RICTOR: variants seen among roughly 807,000 people sequenced by gnomAD.
RICTOR encodes the protein rapamycin-insensitive companion of mTOR.
RICTOR carries 49 observed loss-of-function variants against 214.9 expected under a neutral mutation model. The observed-to-expected ratio is 0.23, with a 90% CI of 0.18 to 0.29. RICTOR has a LOEUF of 0.29. RICTOR is among the 10% of genes least tolerant of loss of function. The probability of loss-of-function intolerance (pLI) is 1.00; values close to 1 mark genes in which losing one functional copy is unlikely to be tolerated. For synonymous variants in RICTOR, 717 were observed against 711.3 expected, an observed-to-expected ratio of 1.01 and a Z score of -0.13; for missense variants, 1,625 against 2,047.0, an observed-to-expected ratio of 0.79 and a Z score of 3.98.
intron 2 of RICTOR, among the ~76,000 whole-genome samples, chr5:39,038,243 G>A (rs1439423962): frequency 1.3e-5 from 2 of 152,194 alleles, no homozygotes; most frequent in Non-Finnish European, 2.9e-5. Flanking sequence ...AATAGATGCA[G>A]AAAAGGTCTT....
chr5:39,073,982 G>A, intron 2 of RICTOR, 129 bp downstream of exon 2: 1 of 445,480 alleles, frequency 2.2e-6, no homozygotes, highest in East Asian at 8.8e-5. Flanking sequence ...CCGGCAGGCG[G>A]GGCTCCGGCT....
chr5:39,033,314 A>G (rs1270577834), intron 2 of RICTOR, among the ~76,000 whole-genome samples: 1 of 150,948 alleles, frequency 6.6e-6, no homozygotes, highest in Admixed American at 6.6e-5. Context: ...GGAGCGCTGG[A>G]GTGCAATGGT....
rs1285386496 is a variant in RICTOR, at chr5:38,958,830, GC to G, written c.2179del (p.Ala727ProfsTer10). 6.4e-7 allele frequency: 1 copy of G among 1,554,770 alleles called. No homozygotes were observed. Among genetic ancestry groups the G allele is most frequent in the Non-Finnish European group, 8.7e-7 (1 of 1,154,824 alleles). On this transcript the variant is annotated frameshift_variant and splice_region_variant, in exon 23 of 38. Transcript: ENST00000357387. LOFTEE classifies it high-confidence loss of function. ...ATGTTTTGTTGCATAGAGTCTGCAG[GC>G]CTATAAGGATAAATGAATACATTAA... ...LSKILTAATD[A>X]CRLYATKHLR...
intron 6 of RICTOR, among the ~76,000 whole-genome samples, chr5:38,993,990 G>A (rs1403618357): frequency 6.6e-6 from 1 of 152,090 alleles, no homozygotes; most frequent in Non-Finnish European, 1.5e-5. Context: ...AGACCATCCT[G>A]GTTAACACGG....
intron 5 of RICTOR, among the ~76,000 whole-genome samples, chr5:38,998,304 G>C (rs1353192709): frequency 6.6e-6 from 1 of 152,176 alleles, no homozygotes; most frequent in Admixed American, 6.5e-5. Context: ...TGGTGCCTTG[G>C]CCTCCTGAGT....
At chr5:38,956,393 C>T (rs1749268943) in intron 25 of RICTOR, among the ~76,000 whole-genome samples, 1 of 152,064 alleles carries the variant, frequency 6.6e-6, no homozygotes, top group Non-Finnish European at 1.5e-5. Context: ...CTTTTACAAT[C>T]TAGCTTTAAT....
In RICTOR at chr5:38,955,773, T is replaced by A. The variant is rs150182325; in HGVS notation, c.2500-69A>T. ...GTCACTAAATTTAAAATATGTCAGATACTTAGCAAAGGGTAGACAGATCAA... is the reference window on the plus strand; with the variant it reads ...GTCACTAAATTTAAAATATGTCAGAAACTTAGCAAAGGGTAGACAGATCAA... On this transcript the variant is annotated intron_variant, in intron 25 of 37. Coordinates refer to ENST00000357387, the MANE Select transcript of RICTOR (RefSeq NM_152756.5). 2.2e-4 allele frequency: 186 copies of A among 860,648 alleles called. 1 individual carries two copies. In the African/African-American group the frequency reaches 2.9e-3, roughly 13 times the overall value. The allele number at this position is 860,648 out of a possible 1,614,324, so 53.3% of individuals were successfully genotyped here. A position where few individuals can be genotyped will look rare whatever the true frequency, so the allele number is the denominator to read the frequency against.
intron 2 of RICTOR, among the ~76,000 whole-genome samples, chr5:39,036,685 G>C (rs1756729764): frequency 6.6e-6 from 1 of 152,082 alleles, no homozygotes; most frequent in Non-Finnish European, 1.5e-5. Context: ...TGATAAAACA[G>C]ACTTTAAACC....
chr5:39,028,392 C>T (rs377228933), intron 2 of RICTOR, among the ~76,000 whole-genome samples: 15 of 151,790 alleles, frequency 9.9e-5, no homozygotes, highest in Middle Eastern at 3.4e-3. Flanking sequence ...CCGTTTTAGC[C>T]GGGATGGTCT....
At chr5:39,015,486 A>G (rs1252100963) in intron 3 of RICTOR, among the ~76,000 whole-genome samples, 1 of 152,002 alleles carries the variant, frequency 6.6e-6, no homozygotes, top group Non-Finnish European at 1.5e-5. Context: ...TCTCCCAGGG[A>G]ACATTTGGCA....
intron 2 of RICTOR, among the ~76,000 whole-genome samples, chr5:39,069,103 T>C (rs577920365): frequency 1.3e-5 from 2 of 152,268 alleles, no homozygotes; most frequent in African/African-American, 2.4e-5. Flanking sequence ...GTATGTATAA[T>C]AGTAGAATGT....
Position 39,049,589 on chromosome 5 carries a change from G to A in RICTOR, c.97+24522C>T, listed in dbSNP as rs1757710134. ...GCAAGCCATAATTTGCAAACCTCTG[G>A]CTTAAGGGAAAAAAAGAAGTAAAAA... On this transcript the variant is annotated intron_variant, in intron 2 of 37. Coordinates refer to ENST00000357387, the MANE Select transcript of RICTOR (RefSeq NM_152756.5). Among the ~76,000 whole-genome samples the A allele has an allele frequency of 2.0e-5, 3 of 149,164 alleles. No individual in the cohort carries two copies. In the South Asian group the frequency reaches 6.4e-4, roughly 32 times the overall value.
In RICTOR at chr5:38,978,495, T is replaced by C. The variant is rs186233523; in HGVS notation, c.821+88A>G. 2.4e-3 allele frequency: 1,265 copies of C among 531,378 alleles called. 5 individuals carry two copies. The highest frequency in any genetic ancestry group is 3.2e-3 in the Non-Finnish European group (973 of 303,454). 32.9% of individuals were successfully genotyped at this position (531,378 alleles called of 1,614,324 possible). On this transcript the variant is annotated intron_variant, in intron 9 of 37. Coordinates refer to ENST00000357387, the MANE Select transcript of RICTOR (RefSeq NM_152756.5). The stretch of plus-strand genomic sequence containing the variant: ...AAATTTATTTAAACTCACATTTCTC[T>C]GGCTGTACATGGAATCACGCAAACC...
At chr5:38,966,127 C>CA (rs1034195208) in intron 15 of RICTOR, among the ~76,000 whole-genome samples, 13 of 151,704 alleles carry the variant, frequency 8.6e-5, no homozygotes, top group Middle Eastern at 3.4e-3. Flanking sequence ...CAAAACAAAA[C>CA]AAAAAAAACC....
intron 2 of RICTOR, among the ~76,000 whole-genome samples, chr5:39,036,040 GA>G (rs1027520413): frequency 1.3e-5 from 2 of 152,156 alleles, no homozygotes; most frequent in African/African-American, 2.4e-5. Flanking sequence ...TGAAATGAAG[GA>G]AAAAATATTA....
intron 25 of RICTOR, among the ~76,000 whole-genome samples, chr5:38,956,043 T>C (rs1004314934): frequency 6.6e-6 from 1 of 152,070 alleles, no homozygotes; most frequent in African/African-American, 2.4e-5. Context: ...CATTATATAT[T>C]GTCATTAAAT....
intron 3 of RICTOR, among the ~76,000 whole-genome samples, chr5:39,013,328 T>C (rs1754690616): frequency 6.6e-6 from 1 of 152,182 alleles, no homozygotes; most frequent in Non-Finnish European, 1.5e-5. Context: ...ATAATGTCAC[T>C]GGTTTGACTA....
chr5:39,026,774 G>C (rs1284822626), intron 2 of RICTOR, among the ~76,000 whole-genome samples: 1 of 151,868 alleles, frequency 6.6e-6, no homozygotes, highest in Non-Finnish European at 1.5e-5. Flanking sequence ...TTGGGAGGCC[G>C]AGGTGGGTGG....
chr5:38,945,169 C>T, intron 34 of RICTOR, 101 bp from the exon 35 acceptor site: 1 of 866,064 alleles, frequency 1.2e-6, no homozygotes, highest in Non-Finnish European at 1.8e-6. Context: ...AACATCTTCT[C>T]TAATTGTATG....
Sources: allele counts gnomAD v4.1 joint callset (sites outside exome capture counted in the v4.1 genomes callset), GRCh38; gene constraint gnomAD v4.1.1; transcripts MANE v1.5; gene names NCBI Gene and HGNC (gene_info 2026-07-23, HGNC 2026-07-21).